ZNF83: variants seen among roughly 807,000 people sequenced by gnomAD.
The protein encoded by ZNF83 is zinc finger protein 83.
For missense variants in ZNF83, 552 were observed against 629.9 expected, an observed-to-expected ratio of 0.88 and a Z score of 1.32; for synonymous variants, 209 against 213.0, an observed-to-expected ratio of 0.98 and a Z score of 0.17.
At chr19:52,622,973 G>C (rs950107075) in intron 2 of ZNF83, among the ~76,000 whole-genome samples, 1 of 152,182 alleles carries the variant, frequency 6.6e-6, no homozygotes, top group Non-Finnish European at 1.5e-5. Context: ...AAACGCCTAA[G>C]CTGCAGTGGT....
At chr19:52,678,285 AC>A (rs2061851228) in intron 1 of ZNF83, among the ~76,000 whole-genome samples, 1 of 151,526 alleles carries the variant, frequency 6.6e-6, no homozygotes, top group Non-Finnish European at 1.5e-5. Flanking sequence ...ACCCCGTCTT[AC>A]TAAAAATATA....
At chr19:52,651,695 AAAAAAAAAGAAAGAAAGAAAAG>A (rs1197438557) in intron 3 of ZNF83, 1 of 158,012 alleles carries the variant, frequency 6.3e-6, no homozygotes, top group African/African-American at 2.4e-5. Flanking sequence ...AAAAAAAAAA[AAAAAAAAAGAAAGAAAGAAAAG>A]AAAAGAAAGA....
chr19:52,677,928 G>A (rs9676971), intron 1 of ZNF83, among the ~76,000 whole-genome samples: 46,093 of 151,316 alleles, frequency 0.3, 7,560 homozygotes, highest in East Asian at 0.53. Context: ...CCAGCTGCTC[G>A]GGAGGCTGAG....
intron 1 of ZNF83, among the ~76,000 whole-genome samples, chr19:52,673,659 T>G (rs567681827): frequency 6.6e-6 from 1 of 152,228 alleles, no homozygotes; most frequent in East Asian, 1.9e-4. Flanking sequence ...TGTTTTTTGT[T>G]TTTTCTGGAG....
At chr19:52,627,264 G>T (rs1365541324) in intron 2 of ZNF83, among the ~76,000 whole-genome samples, 2 of 152,038 alleles carry the variant, frequency 1.3e-5, no homozygotes, top group African/African-American at 2.4e-5. Flanking sequence ...AAACAGCCTT[G>T]TTGCTCACAC....
intron 3 of ZNF83, among the ~76,000 whole-genome samples, chr19:52,644,176 C>G (rs1408112329): frequency 9.8e-6 from 1 of 101,976 alleles, no homozygotes; most frequent in Non-Finnish European, 1.9e-5. Flanking sequence ...TTCTTCCATT[C>G]TTCTTTTTTT....
At chr19:52,644,159 ACT>A (rs2061343556) in intron 3 of ZNF83, among the ~76,000 whole-genome samples, 1 of 147,308 alleles carries the variant, frequency 6.8e-6, no homozygotes, top group East Asian at 2.0e-4. Flanking sequence ...TGAGTCTACA[ACT>A]CTGTTTCTTC....
intron 1 of ZNF83, among the ~76,000 whole-genome samples, chr19:52,678,517 G>C (rs1239387346): frequency 3.3e-5 from 5 of 150,574 alleles, no homozygotes; most frequent in African/African-American, 1.2e-4. Flanking sequence ...GTAAAAACAA[G>C]GGTGTCTCTT....
At chr19:52,681,013 G>C (rs2061908370) in intron 1 of ZNF83, among the ~76,000 whole-genome samples, 1 of 151,888 alleles carries the variant, frequency 6.6e-6, no homozygotes, top group Non-Finnish European at 1.5e-5. Flanking sequence ...GGCTTGGTGT[G>C]GTGGCTCATG....
chr19:52,645,710 G>A (rs1434890560), intron 3 of ZNF83, among the ~76,000 whole-genome samples: 1 of 151,810 alleles, frequency 6.6e-6, no homozygotes, highest in Non-Finnish European at 1.5e-5. Flanking sequence ...AGGAGGTTGA[G>A]GCAAAAGAAT....
In ZNF83 at chr19:52,684,626, G is replaced by A. The variant is rs559612681; in HGVS notation, c.-283+5817C>T. Among the ~76,000 whole-genome samples the A allele has an allele frequency of 2.1e-4, 32 of 151,758 alleles. No homozygotes were observed. In the South Asian group the frequency reaches 2.9e-3, roughly 14 times the overall value. On this transcript the variant is annotated intron_variant, in intron 1 of 5. Transcript: ENST00000594682. ...GCAGAGATAATAAAACCTGAGTAACGTGATAGAGACTGGTGGGCAGAGGGA... is the reference window on the plus strand; with the variant it reads ...GCAGAGATAATAAAACCTGAGTAACATGATAGAGACTGGTGGGCAGAGGGA...
At chr19:52,640,722 G>C (rs115446651), upstream of ZNF83, among the ~76,000 whole-genome samples, 787 of 152,152 alleles carry the variant, frequency 5.2e-3, 5 homozygotes, top group African/African-American at 0.017. Flanking sequence ...CCAGACTGAG[G>C]GGGGAGTTCG....
chr19:52,639,504 G>C (rs2061265788), upstream of ZNF83, among the ~76,000 whole-genome samples: 1 of 136,036 alleles, frequency 7.4e-6, no homozygotes, highest in Non-Finnish European at 1.5e-5. Context: ...TGCAGCCTCT[G>C]CCTCCTGGGT....
At chr19:52,682,683 GAAA>G (rs1296369563) in intron 1 of ZNF83, among the ~76,000 whole-genome samples, 3 of 9,518 alleles carry the variant, frequency 3.2e-4, no homozygotes, top group Non-Finnish European at 9.4e-4. Flanking sequence ...ACAAGAAAAA[GAAA>G]AAGAAAAAGA....
At chr19:52,674,011 A>AT (rs1427720080) in intron 1 of ZNF83, among the ~76,000 whole-genome samples, 24 of 121,892 alleles carry the variant, frequency 2.0e-4, no homozygotes, top group Admixed American at 4.2e-4. Context: ...GTGAGACTCC[A>AT]TCTCAAAAAA....
exon 3 of ZNF83, chr19:52,614,132 C>T (rs2060219198): frequency 6.2e-7 from 1 of 1,614,024 alleles, no homozygotes; most frequent in East Asian, 2.2e-5. Context: ...GGCTTCTCTC[C>T]AGTATGAATT....
intron 1 of ZNF83, among the ~76,000 whole-genome samples, chr19:52,688,050 T>C (rs1319181316): frequency 6.6e-6 from 1 of 152,082 alleles, no homozygotes; most frequent in Admixed American, 6.6e-5. Flanking sequence ...TTTAAAATTC[T>C]CAATCTCATC....
intron 2 of ZNF83, among the ~76,000 whole-genome samples, chr19:52,658,469 G>A (rs1384428549): frequency 1.3e-5 from 2 of 152,164 alleles, no homozygotes; most frequent in Admixed American, 1.3e-4. Flanking sequence ...GGGAAGCTGA[G>A]GTGAGAGAAT....
At chr19:52,630,003 T>C (rs62118492) in intron 2 of ZNF83, among the ~76,000 whole-genome samples, 61 of 148,284 alleles carry the variant, frequency 4.1e-4, no homozygotes, top group East Asian at 1.2e-3. Flanking sequence ...TGAACCACAG[T>C]GGCCAGGCAT....
Sources: gnomAD v4.1 joint callset for allele counts (sites outside exome capture counted in the v4.1 genomes callset) on GRCh38, gnomAD v4.1.1 for gene constraint, MANE v1.5 for transcripts, NCBI Gene and HGNC (gene_info 2026-07-23, HGNC 2026-07-21) for gene names.